The following AEBP2 variants were observed in gnomAD, a reference collection of about 807,000 sequenced individuals.
AEBP2 encodes the protein AE binding protein 2.
A neutral mutation model predicts 50.8 loss-of-function variants in AEBP2; 10 were observed. The ratio of observed to expected loss-of-function variants is 0.20; its 90% CI spans 0.12 to 0.33. AEBP2 has a LOEUF of 0.33. Among genes scored for constraint, AEBP2 ranks in the 10% least tolerant of loss-of-function variants. The probability of loss-of-function intolerance (pLI) is 1.00; values close to 1 mark genes in which losing one functional copy is unlikely to be tolerated. For missense variants in AEBP2, 570 were observed against 688.0 expected (o/e 0.83, Z 1.92); for synonymous variants, 296 against 261.3 (o/e 1.13, Z -1.28).
At chr12:19,467,386 C>T (rs536756539) in intron 2 of AEBP2, among the ~76,000 whole-genome samples, 6 of 152,272 alleles carry the variant, frequency 3.9e-5, no homozygotes, top group African/African-American at 1.4e-4. Flanking sequence ...CTCCACCTCC[C>T]AGGTTCGAGT....
intron 1 of AEBP2, among the ~76,000 whole-genome samples, chr12:19,432,468 C>T (rs1301201386): frequency 6.6e-6 from 1 of 152,092 alleles, no homozygotes; most frequent in East Asian, 1.9e-4. Flanking sequence ...CCAAGTTGGG[C>T]GGATCGCTTG....
intron 1 of AEBP2, among the ~76,000 whole-genome samples, chr12:19,404,604 C>T (rs1022903237): frequency 1.3e-5 from 2 of 152,174 alleles, no homozygotes; most frequent in African/African-American, 4.8e-5. Context: ...CGGCTCCTAT[C>T]CGCCATATTG....
upstream of AEBP2, among the ~76,000 whole-genome samples, chr12:19,436,142 G>A (rs1228336793): frequency 6.6e-6 from 1 of 152,136 alleles, no homozygotes; most frequent in Non-Finnish European, 1.5e-5. Context: ...CGATGTAAGT[G>A]ACCTCTGGTC....
At chr12:19,471,361 C>T (rs947292170) in intron 2 of AEBP2, among the ~76,000 whole-genome samples, 2 of 152,152 alleles carry the variant, frequency 1.3e-5, no homozygotes, top group Admixed American at 1.3e-4. Context: ...AAGCAATCCT[C>T]CTGCCTTGGC....
chr12:19,481,584 T>C (rs1288204458), intron 3 of AEBP2, among the ~76,000 whole-genome samples: 1 of 152,120 alleles, frequency 6.6e-6, no homozygotes, highest in Non-Finnish European at 1.5e-5. Flanking sequence ...GTTCAAGTGA[T>C]TCTCATGCCT....
At chr12:19,435,494 C>G (rs1299658203), upstream of AEBP2, among the ~76,000 whole-genome samples, 1 of 152,096 alleles carries the variant, frequency 6.6e-6, no homozygotes, top group Non-Finnish European at 1.5e-5. Context: ...TGTCTCAGCT[C>G]TCCACAGTGC....
chr12:19,498,093 A>G (rs745687241), intron 4 of AEBP2, among the ~76,000 whole-genome samples: 2 of 152,188 alleles, frequency 1.3e-5, no homozygotes, highest in Non-Finnish European at 2.9e-5. Context: ...ATTATTGTGA[A>G]TTTAAGTGAT....
intron 1 of AEBP2, among the ~76,000 whole-genome samples, chr12:19,442,074 T>C (rs1947971025): frequency 6.6e-6 from 1 of 152,070 alleles, no homozygotes; most frequent in East Asian, 1.9e-4. Context: ...GGTTCTCAAG[T>C]CCCCTATTAT....
At chr12:19,452,504 CT>C (rs753170316) in intron 1 of AEBP2, among the ~76,000 whole-genome samples, 30 of 147,520 alleles carry the variant, frequency 2.0e-4, no homozygotes, top group Admixed American at 1.3e-3. Flanking sequence ...TTTTCTTTTT[CT>C]TTTTTTTTTG....
At chr12:19,447,151 T>G (rs1948084727) in intron 1 of AEBP2, among the ~76,000 whole-genome samples, 1 of 152,206 alleles carries the variant, frequency 6.6e-6, no homozygotes. Context: ...GAAGTAAGAA[T>G]TAATGGTGCA....
chr12:19,426,874 G>A lies in AEBP2; in HGVS notation c.-17+22658G>A, dbSNP rs145933470. Among the ~76,000 whole-genome samples, 816 of 152,106 alleles carry A rather than the reference G, an allele frequency of 5.4e-3. 5 individuals carry two copies. Among genetic ancestry groups the A allele is most frequent in the African/African-American group, 0.019 (775 of 41,502 alleles). On this transcript the variant is annotated intron_variant, in intron 1 of 3. Transcript: ENST00000538425. ...CAAGATCATGCCACTGCACTTCAGCGTGGGCAACAGAGCGAGACTCAAAAA... is the reference window on the plus strand; with the variant it reads ...CAAGATCATGCCACTGCACTTCAGCATGGGCAACAGAGCGAGACTCAAAAA...
At chr12:19,411,110 T>C (rs2095739026) in intron 1 of AEBP2, among the ~76,000 whole-genome samples, 1 of 152,164 alleles carries the variant, frequency 6.6e-6, no homozygotes, top group East Asian at 1.9e-4. Flanking sequence ...ACAACACCCA[T>C]TTTACTGACA....
chr12:19,446,749 AAAG>A lies in AEBP2; in HGVS notation c.671+6381_671+6383del, dbSNP rs1243553736. ...TCCGTTTCCAAAAAAAAAAAAAAAA[AAAG>A]ATCTCATCTACAAAAAATGAAAAAA... On this transcript the variant is annotated intron_variant, in intron 1 of 7. Transcript: ENST00000266508. Among the ~76,000 whole-genome samples, 6 of 151,190 alleles carry A rather than the reference AAAG, an allele frequency of 4.0e-5. No individual in the cohort carries two copies. In the East Asian group the frequency reaches 9.7e-4, roughly 24 times the overall value.
intron 2 of AEBP2, among the ~76,000 whole-genome samples, chr12:19,464,993 C>A (rs981768318): frequency 6.6e-6 from 1 of 152,028 alleles, no homozygotes; most frequent in East Asian, 1.9e-4. Flanking sequence ...TGGCATTTGT[C>A]CCGTAAGTGT....
intron 1 of AEBP2, among the ~76,000 whole-genome samples, chr12:19,457,841 TTAA>T (rs1485857578): frequency 1.4e-4 from 21 of 152,270 alleles, no homozygotes; most frequent in African/African-American, 4.8e-4. Flanking sequence ...GAATCTGCAG[TTAA>T]TAATACTGAA....
Position 19,520,390 on chromosome 12 carries a change from A to G in AEBP2, c.*2273A>G, listed in dbSNP as rs925888196. On this transcript the variant is annotated 3_prime_UTR_variant, in exon 8 of 8. Transcript: ENST00000266508. ...TCCTTGATTAACTTCTGAGTACTCAATCAATCATAATCCTTTTGCTGCTTA... is the reference window on the plus strand; with the variant it reads ...TCCTTGATTAACTTCTGAGTACTCAGTCAATCATAATCCTTTTGCTGCTTA... 6.6e-6 allele frequency: 1 copy of G among 152,200 alleles called. No homozygotes were observed. The highest frequency in any genetic ancestry group is 2.4e-5 in the African/African-American group (1 of 41,462). 9.4% of individuals were successfully genotyped at this position (152,200 alleles called of 1,614,324 possible).
At chr12:19,409,105 A>G (rs1434403967) in intron 1 of AEBP2, among the ~76,000 whole-genome samples, 1 of 152,130 alleles carries the variant, frequency 6.6e-6, no homozygotes, top group Non-Finnish European at 1.5e-5. Context: ...AAAGAACCCA[A>G]CTTGACTACA....
At chr12:19,435,793 A>C (rs1470533912), upstream of AEBP2, among the ~76,000 whole-genome samples, 1 of 152,132 alleles carries the variant, frequency 6.6e-6, no homozygotes, top group Non-Finnish European at 1.5e-5. Context: ...TTTTTCATGA[A>C]GCTTTCCTTG....
At chr12:19,474,559 C>A (rs909565149) in intron 3 of AEBP2, among the ~76,000 whole-genome samples, 2 of 151,982 alleles carry the variant, frequency 1.3e-5, no homozygotes, top group Non-Finnish European at 2.9e-5. Flanking sequence ...CCTTATGCAA[C>A]CATAAGCAGA....
Sources: gnomAD v4.1 joint callset for allele counts (sites outside exome capture counted in the v4.1 genomes callset) on GRCh38, gnomAD v4.1.1 for gene constraint, MANE v1.5 for transcripts, NCBI Gene and HGNC (gene_info 2026-07-23, HGNC 2026-07-21) for gene names.